The following UNC5D variants were observed in gnomAD, a reference collection of about 807,000 sequenced individuals.
UNC5D encodes the protein netrin receptor UNC5D.
A neutral mutation model predicts 105.4 loss-of-function variants in UNC5D; 39 were observed. That is an observed-to-expected ratio of 0.37 (90% CI 0.29 to 0.48). UNC5D has a LOEUF of 0.48. Among genes scored for constraint, UNC5D ranks in the 20% least tolerant of loss-of-function variants. The probability of loss-of-function intolerance (pLI) is 0.98; values close to 1 mark genes in which losing one functional copy is unlikely to be tolerated. For missense variants in UNC5D, 991 were observed against 1,202.4 expected (o/e 0.82, Z 2.60); for synonymous variants, 452 against 450.4 (o/e 1.00, Z -0.04).
chr8:35,549,488 A>C lies in UNC5D; in HGVS notation c.300A>C (p.Glu100Asp). 6.2e-7 allele frequency: 1 copy of C among 1,612,050 alleles called. No individual in the cohort carries two copies. Among genetic ancestry groups the C allele is most frequent in the African/African-American group, 1.3e-5 (1 of 75,002 alleles). ...TCCATCAGAACGAGCACGTCTCTGAAGAGACTCTGGACGAGAGCTCAGGTA... is the reference window on the plus strand; with the variant it reads ...TCCATCAGAACGAGCACGTCTCTGACGAGACTCTGGACGAGAGCTCAGGTA... ...EWVHQNEHVS[E>D]ETLDESSGLK... Residue 100 changes from glutamate (E) to aspartate (D), a missense_variant, in exon 2 of 17, where the codon GAA becomes GAC. Glu to Asp is a conservative substitution (Grantham distance 45). This residue lies in a region of UNC5D where 944 missense variants were observed against 1,131.6 expected (regional missense o/e 0.83). Transcript: ENST00000404895.
At chr8:35,341,742 CAATGGAATT>C (rs1811469509) in intron 1 of UNC5D, among the ~76,000 whole-genome samples, 1 of 151,862 alleles carries the variant, frequency 6.6e-6, no homozygotes, top group Admixed American at 6.6e-5. Context: ...TATTTTATGC[CAATGGAATT>C]AATAGTGAAA....
intron 1 of UNC5D, among the ~76,000 whole-genome samples, chr8:35,545,621 C>G (rs1815604192): frequency 6.6e-6 from 1 of 151,358 alleles, no homozygotes; most frequent in South Asian, 2.1e-4. Context: ...GATAGGCAGT[C>G]ACTACTCCCA....
intron 7 of UNC5D, among the ~76,000 whole-genome samples, chr8:35,693,888 A>G (rs1826578259): frequency 6.6e-6 from 1 of 152,116 alleles, no homozygotes; most frequent in African/African-American, 2.4e-5. Context: ...ATTTTATGAG[A>G]GAAGTCAAAA....
intron 11 of UNC5D, among the ~76,000 whole-genome samples, chr8:35,737,501 T>A (rs1170078840): frequency 2.6e-5 from 4 of 151,048 alleles, no homozygotes; most frequent in African/African-American, 7.3e-5. Flanking sequence ...AAAAAAAAAA[T>A]GACTGAAGAA....
chr8:35,578,902 A>G (rs1026316609), intron 3 of UNC5D, among the ~76,000 whole-genome samples: 1 of 152,204 alleles, frequency 6.6e-6, no homozygotes, highest in Non-Finnish European at 1.5e-5. Context: ...CCTTCATACT[A>G]TTTATTGCCA....
Position 35,293,287 on chromosome 8 carries a change from C to T in UNC5D, c.103+57400C>T, listed in dbSNP as rs372002587. 3.4e-3 allele frequency among the ~76,000 whole-genome samples: 525 copies of T among 152,182 alleles called. 6 individuals carry two copies. Among genetic ancestry groups the T allele is most frequent in the African/African-American group, 0.012 (510 of 41,532 alleles). Reference sequence around the variant, plus strand: ...CTGAATTTTTGCTTTTTTATTTCCTCTAAAAATGTCTCCATAGGCTACTGA... The same window carrying T: ...CTGAATTTTTGCTTTTTTATTTCCTTTAAAAATGTCTCCATAGGCTACTGA... On this transcript the variant is annotated intron_variant, in intron 1 of 16. Transcript: ENST00000404895.
chr8:35,322,577 C>T (rs1291111400), intron 1 of UNC5D, among the ~76,000 whole-genome samples: 1 of 152,130 alleles, frequency 6.6e-6, no homozygotes, highest in African/African-American at 2.4e-5. Flanking sequence ...AAGCAGTGTG[C>T]TTTCAGCCCT....
intron 1 of UNC5D, among the ~76,000 whole-genome samples, chr8:35,249,848 T>A (rs1803571902): frequency 6.6e-6 from 1 of 152,066 alleles, no homozygotes; most frequent in Non-Finnish European, 1.5e-5. Flanking sequence ...TTTTAGCAAT[T>A]TATCAGTGAA....
intron 8 of UNC5D, among the ~76,000 whole-genome samples, chr8:35,713,365 G>GT (rs1260967240): frequency 1.3e-5 from 2 of 152,160 alleles, no homozygotes; most frequent in Non-Finnish European, 2.9e-5. Context: ...AAGTAAAGTA[G>GT]TTTTTTCTAG....
chr8:35,611,192 A>C (rs569576280), intron 4 of UNC5D, among the ~76,000 whole-genome samples: 111 of 152,262 alleles, frequency 7.3e-4, no homozygotes, highest in Non-Finnish European at 1.5e-3. Flanking sequence ...TAAAACAGAA[A>C]ATTCTTGTAA....
At chr8:35,664,903 G>T (rs1181142008) in intron 4 of UNC5D, among the ~76,000 whole-genome samples, 1 of 151,836 alleles carries the variant, frequency 6.6e-6, no homozygotes. Context: ...GTTGTGCAGT[G>T]GTTTGATCAT....
chr8:35,760,377 A>G (rs754535349), intron 14 of UNC5D, among the ~76,000 whole-genome samples: 8 of 152,036 alleles, frequency 5.3e-5, no homozygotes, highest in Non-Finnish European at 1.2e-4. Context: ...TTTTATAAAT[A>G]TCTAAAGATA....
chr8:35,735,508 T>G (rs61113233), intron 11 of UNC5D, among the ~76,000 whole-genome samples: 4,341 of 152,308 alleles, frequency 0.029, 220 homozygotes, highest in African/African-American at 0.098. Context: ...TTAGATGGTA[T>G]GGTCTGCCCA....
intron 1 of UNC5D, among the ~76,000 whole-genome samples, chr8:35,319,298 T>C (rs1345241508): frequency 1.3e-5 from 2 of 152,154 alleles, no homozygotes; most frequent in African/African-American, 4.8e-5. Context: ...ATTGGTTTGC[T>C]ACAGTTTTCA....
chr8:35,237,799 T>C (rs928332863), intron 1 of UNC5D, among the ~76,000 whole-genome samples: 12 of 152,206 alleles, frequency 7.9e-5, no homozygotes, highest in African/African-American at 2.7e-4. Context: ...CCTTAGCAAC[T>C]GTCAGAGAGT....
At chr8:35,487,595 C>CT (rs1563465091) in intron 1 of UNC5D, among the ~76,000 whole-genome samples, 1 of 123,686 alleles carries the variant, frequency 8.1e-6, no homozygotes. Flanking sequence ...ACACACACAC[C>CT]CCACAGACTG....
intron 1 of UNC5D, among the ~76,000 whole-genome samples, chr8:35,389,179 G>T (rs1430845029): frequency 6.6e-6 from 1 of 152,106 alleles, no homozygotes; most frequent in Non-Finnish European, 1.5e-5. Flanking sequence ...AAAACCTTGG[G>T]GTCCATTTCT....
At chr8:35,359,720 A>T (rs1801757257) in intron 1 of UNC5D, among the ~76,000 whole-genome samples, 1 of 152,234 alleles carries the variant, frequency 6.6e-6, no homozygotes. Context: ...CATCACGTTC[A>T]TTAAAAAGAT....
chr8:35,566,340 A>G (rs1001087984), intron 2 of UNC5D, among the ~76,000 whole-genome samples: 1 of 152,176 alleles, frequency 6.6e-6, no homozygotes, highest in African/African-American at 2.4e-5. Context: ...TGTTTTTTAA[A>G]TCCTGAAACC....
Sources: gnomAD v4.1 joint callset for allele counts (sites outside exome capture counted in the v4.1 genomes callset) on GRCh38, gnomAD v4.1.1 for gene constraint, gnomAD v4.1.1 regional missense constraint, MANE v1.5 for transcripts, NCBI Gene and HGNC (gene_info 2026-07-23, HGNC 2026-07-21) for gene names.